ACVR2A: variants seen among roughly 807,000 people sequenced by gnomAD.
The protein encoded by ACVR2A is activin receptor type-2A.
In ACVR2A, 7 loss-of-function variants were observed where a neutral mutation model predicts 61.4. The observed-to-expected ratio is 0.11, with a 90% CI of 0.06 to 0.21. The LOEUF is 0.21. Among genes scored for constraint, ACVR2A ranks in the 10% least tolerant of loss-of-function variants. The probability of loss-of-function intolerance (pLI) is 1.00; values close to 1 mark genes in which losing one functional copy is unlikely to be tolerated. For synonymous variants in ACVR2A, 193 were observed against 208.3 expected, an observed-to-expected ratio of 0.93 and a Z score of 0.63; for missense variants, 322 against 621.7, an observed-to-expected ratio of 0.52 and a Z score of 5.13.
At chr2:147,859,451 T>A (rs1441843283) in intron 1 of ACVR2A, among the ~76,000 whole-genome samples, 2 of 151,542 alleles carry the variant, frequency 1.3e-5, no homozygotes, top group African/African-American at 4.9e-5. Flanking sequence ...TACAGCCCAT[T>A]TGAGGCTTAT....
intron 1 of ACVR2A, among the ~76,000 whole-genome samples, chr2:147,860,394 G>A (rs1685700404): frequency 6.6e-6 from 1 of 152,006 alleles, no homozygotes; most frequent in African/African-American, 2.4e-5. Context: ...TATTAATTGT[G>A]TTACAAGCAG....
At chr2:147,888,045 T>G (rs754290282) in intron 1 of ACVR2A, among the ~76,000 whole-genome samples, 1 of 152,214 alleles carries the variant, frequency 6.6e-6, no homozygotes, top group African/African-American at 2.4e-5. Flanking sequence ...CCATGTCTGA[T>G]TGCTCCAGCT....
chr2:147,912,775 A>C (rs1687149788), intron 4 of ACVR2A, among the ~76,000 whole-genome samples: 1 of 151,954 alleles, frequency 6.6e-6, no homozygotes, highest in Admixed American at 6.6e-5. Context: ...TGTATTAAAG[A>C]ATATTATTTA....
chr2:147,905,294 T>G (rs1686962556), intron 4 of ACVR2A, among the ~76,000 whole-genome samples: 1 of 152,128 alleles, frequency 6.6e-6, no homozygotes, highest in African/African-American at 2.4e-5. Flanking sequence ...TTCAGATTGA[T>G]ATTTTTAATC....
At chr2:147,845,384 G>A (rs1685284216) in intron 1 of ACVR2A, among the ~76,000 whole-genome samples, 177 bp downstream of exon 1, 1 of 130,956 alleles carries the variant, frequency 7.6e-6, no homozygotes, top group Non-Finnish European at 1.5e-5. Context: ...ATTGTGATCT[G>A]GAAACCTCCA....
At chr2:147,899,935 T>A (rs1324697690) in intron 4 of ACVR2A, 37 bp downstream of exon 4, 5 of 1,587,062 alleles carry the variant, frequency 3.2e-6, no homozygotes, top group Middle Eastern at 1.7e-4. Flanking sequence ...TGTTTTAAAT[T>A]GTATATTTTT....
chr2:147,855,277 T>G (rs1685544185), intron 1 of ACVR2A, among the ~76,000 whole-genome samples: 1 of 152,210 alleles, frequency 6.6e-6, no homozygotes, highest in Admixed American at 6.5e-5. Context: ...TGGCACAGTT[T>G]CTGGCACAGA....
intron 7 of ACVR2A, among the ~76,000 whole-genome samples, chr2:147,919,502 G>C (rs7601727): frequency 2.0e-5 from 3 of 152,140 alleles, no homozygotes; most frequent in Non-Finnish European, 4.4e-5. Context: ...GGGAGTGTCT[G>C]CTTGTGCTTT....
At chr2:147,891,897 A>C (rs2105184571) in intron 1 of ACVR2A, among the ~76,000 whole-genome samples, 1 of 152,290 alleles carries the variant, frequency 6.6e-6, no homozygotes, top group Middle Eastern at 3.4e-3. Flanking sequence ...ATGTTTCTGA[A>C]AATAATTTAG....
chr2:147,880,007 T>C (rs1179903195), intron 1 of ACVR2A, among the ~76,000 whole-genome samples: 8 of 152,168 alleles, frequency 5.3e-5, no homozygotes, highest in African/African-American at 1.7e-4. Context: ...AAATTCTCAT[T>C]TGACAAGCTA....
Position 147,920,186 on chromosome 2 carries a change from G to T in ACVR2A, c.963-44G>T, listed in dbSNP as rs560779394. ...TGCTTTCAATAAAAAATTTAAAAAGGTAACTAGTTTAAACTTAATTTGAAT... is the reference window on the plus strand; with the variant it reads ...TGCTTTCAATAAAAAATTTAAAAAGTTAACTAGTTTAAACTTAATTTGAAT... On this transcript the variant is annotated intron_variant, in intron 7 of 10. Transcript: ENST00000241416. 5 of 1,338,894 alleles carry T rather than the reference G, an allele frequency of 3.7e-6. No homozygotes were observed. The East Asian group carries it at 9.2e-5, about 25-fold the overall frequency. The allele number at this position is 1,338,894 out of a possible 1,614,324, so 82.9% of individuals were successfully genotyped here.
chr2:147,910,364 C>T (rs1213287721), intron 4 of ACVR2A, among the ~76,000 whole-genome samples: 1 of 152,040 alleles, frequency 6.6e-6, no homozygotes, highest in African/African-American at 2.4e-5. Context: ...GATCCTTGAG[C>T]CTTTGGAAAC....
At chr2:147,918,854 G>A (rs180672605) in intron 7 of ACVR2A, among the ~76,000 whole-genome samples, 1 of 151,800 alleles carries the variant, frequency 6.6e-6, no homozygotes, top group East Asian at 1.9e-4. Context: ...ATATTTTCTC[G>A]ATCTCAAAGG....
chr2:147,849,844 T>TAAG lies in ACVR2A; in HGVS notation c.55+4639_55+4641dup, dbSNP rs201666081. On this transcript the variant is annotated intron_variant, in intron 1 of 10. Coordinates refer to ENST00000241416, the MANE Select transcript of ACVR2A (RefSeq NM_001616.5). ...TTGGGTCCACCAGACTCACTGTTCT[T>TAAG]AAGAGAAGCACAACTAAACCAAATG... Among the ~76,000 whole-genome samples, 654 of 152,316 alleles carry TAAG rather than the reference T, an allele frequency of 4.3e-3. 2 individuals carry two copies. Among genetic ancestry groups the TAAG allele is most frequent in the East Asian group, 8.3e-3 (43 of 5,180 alleles).
At chr2:147,884,553 T>C (rs1413229092) in intron 1 of ACVR2A, among the ~76,000 whole-genome samples, 1 of 152,148 alleles carries the variant, frequency 6.6e-6, no homozygotes, top group East Asian at 1.9e-4. Flanking sequence ...AAGTGAAGCA[T>C]AGGATAATTA....
chr2:147,912,279 T>G (rs1687138921), intron 4 of ACVR2A, among the ~76,000 whole-genome samples: 1 of 152,000 alleles, frequency 6.6e-6, no homozygotes, highest in Non-Finnish European at 1.5e-5. Context: ...GATACCATAA[T>G]TTTTACATAT....
chr2:147,888,393 A>G (rs754500042), intron 1 of ACVR2A, among the ~76,000 whole-genome samples: 10 of 152,170 alleles, frequency 6.6e-5, no homozygotes, highest in African/African-American at 1.2e-4. Context: ...TTTATGTTCA[A>G]TCTTCCAATC....
At chr2:147,884,448 T>G (rs1007336812) in intron 1 of ACVR2A, among the ~76,000 whole-genome samples, 2 of 152,172 alleles carry the variant, frequency 1.3e-5, no homozygotes, top group East Asian at 3.8e-4. Context: ...TGTTGTGTGT[T>G]AGGTATTTTT....
At chr2:147,858,505 G>T (rs1685645351) in intron 1 of ACVR2A, among the ~76,000 whole-genome samples, 1 of 152,070 alleles carries the variant, frequency 6.6e-6, no homozygotes, top group Non-Finnish European at 1.5e-5. Context: ...CCCTCTGGTA[G>T]TTCCTACAAC....
Sources: allele counts gnomAD v4.1 joint callset (sites outside exome capture counted in the v4.1 genomes callset), GRCh38; gene constraint gnomAD v4.1.1; transcripts MANE v1.5; gene names NCBI Gene and HGNC (gene_info 2026-07-23, HGNC 2026-07-21).